Variants in MCTP1 observed in about 807,000 individuals in gnomAD.
MCTP1 encodes multiple C2 and transmembrane domain-containing protein 1.
A neutral mutation model predicts 120.6 loss-of-function variants in MCTP1; 69 were observed. That is an observed-to-expected ratio of 0.57 (90% confidence interval 0.47 to 0.70). MCTP1 has a LOEUF of 0.70. MCTP1 is among the 30% of genes least tolerant of loss of function. The probability of loss-of-function intolerance (pLI) is 0.00; values close to 1 mark genes in which losing one functional copy is unlikely to be tolerated. For missense variants in MCTP1, 1,203 were observed against 1,248.8 expected, an observed-to-expected ratio of 0.96 and a Z score of 0.55; for synonymous variants, 529 against 493.1, an observed-to-expected ratio of 1.07 and a Z score of -0.96.
At chr5:94,978,825 T>C (rs1292444482) in intron 2 of MCTP1, among the ~76,000 whole-genome samples, 1 of 152,106 alleles carries the variant, frequency 6.6e-6, no homozygotes, top group Non-Finnish European at 1.5e-5. Context: ...CCTAAAAATG[T>C]GTTAAGAGTG....
At chr5:95,082,393 T>A (rs945276798) in intron 1 of MCTP1, among the ~76,000 whole-genome samples, 4 of 152,198 alleles carry the variant, frequency 2.6e-5, no homozygotes, top group Admixed American at 6.5e-5. Context: ...TTATTATATT[T>A]AGATACCTCA....
chr5:94,721,839 G>GTTT (rs1422197720), intron 19 of MCTP1, among the ~76,000 whole-genome samples: 1 of 45,160 alleles, frequency 2.2e-5, no homozygotes, highest in African/African-American at 7.8e-5. Context: ...TAGTGACACT[G>GTTT]TTTTGTTTTT....
At chr5:94,878,399 GAATAAT>G (rs949832534) in intron 12 of MCTP1, among the ~76,000 whole-genome samples, 5 of 151,964 alleles carry the variant, frequency 3.3e-5, no homozygotes, top group African/African-American at 9.7e-5. Flanking sequence ...TTCTGGGACT[GAATAAT>G]AATAATAAGA....
intron 1 of MCTP1, among the ~76,000 whole-genome samples, chr5:95,069,855 C>T (rs757795919): frequency 2.6e-5 from 4 of 152,042 alleles, no homozygotes; most frequent in Admixed American, 1.3e-4. Context: ...CCCACTACCA[C>T]GCCCGGCTAT....
Position 94,953,370 on chromosome 5 carries a change from T to C in MCTP1, c.839-9A>G, listed in dbSNP as rs1554150503. ...ATATGGATCACTCGTCCCTGTTAAA[T>C]AGATAGATTGATCCATGTTAATCAT... On this transcript the variant is annotated splice_polypyrimidine_tract_variant and intron_variant, in intron 2 of 22. Coordinates refer to ENST00000515393, the MANE Select transcript of MCTP1 (RefSeq NM_024717.7). The C allele has an allele frequency of 6.3e-7, 1 of 1,584,522 alleles. No homozygotes were observed. The highest frequency in any genetic ancestry group is 1.2e-5 in the South Asian group (1 of 85,870).
chr5:94,708,455 A>G, intron 22 of MCTP1, 57 bp downstream of exon 22: 1 of 1,070,170 alleles, frequency 9.3e-7, no homozygotes, highest in Non-Finnish European at 1.4e-6. Flanking sequence ...TAAAAGCTAA[A>G]ACCCCATGCC....
chr5:95,053,800 G>T (rs1320068902), intron 1 of MCTP1, among the ~76,000 whole-genome samples: 1 of 152,140 alleles, frequency 6.6e-6, no homozygotes, highest in Non-Finnish European at 1.5e-5. Flanking sequence ...AGACAGTCAA[G>T]AATTCACAAA....
chr5:94,921,286 A>T (rs923821987), intron 7 of MCTP1, among the ~76,000 whole-genome samples: 5 of 152,204 alleles, frequency 3.3e-5, no homozygotes, highest in Non-Finnish European at 7.3e-5. Flanking sequence ...TGAATAACAA[A>T]TGTTATGTTT....
At chr5:94,803,519 T>C (rs1328735019) in intron 17 of MCTP1, among the ~76,000 whole-genome samples, 2 of 152,184 alleles carry the variant, frequency 1.3e-5, no homozygotes, top group Non-Finnish European at 2.9e-5. Context: ...AAAGTGAAAA[T>C]GATACTATTT....
At chr5:95,221,740 T>C (rs1167930543) in intron 1 of MCTP1, among the ~76,000 whole-genome samples, 1 of 152,228 alleles carries the variant, frequency 6.6e-6, no homozygotes, top group East Asian at 1.9e-4. Flanking sequence ...CAATAGTTGC[T>C]GAATGTAAGG....
In MCTP1 at chr5:95,019,243, A is replaced by G. The variant is rs146192652; in HGVS notation, c.721-1759T>C. Among the ~76,000 whole-genome samples the G allele has an allele frequency of 6.3e-3, 962 of 152,246 alleles. 8 individuals carry two copies. Among genetic ancestry groups the G allele is most frequent in the Non-Finnish European group, 9.3e-3 (630 of 67,984 alleles). ...GATTACCACAATCAAGTTAGTTAAC[A>G]CATCTTTCACCTCACTTGTTTACCC... is the stretch of plus-strand genomic sequence containing the variant. On this transcript the variant is annotated intron_variant, in intron 1 of 22. Transcript: ENST00000515393.
At chr5:94,926,640 ATAAC>A (rs562247107) in intron 6 of MCTP1, among the ~76,000 whole-genome samples, 193 of 152,302 alleles carry the variant, frequency 1.3e-3, no homozygotes, top group African/African-American at 4.3e-3. Flanking sequence ...ACTCAATTTA[ATAAC>A]TAACTGTCTG....
intron 2 of MCTP1, among the ~76,000 whole-genome samples, chr5:95,014,260 A>AAACAACAAC (rs35342905): frequency 6.6e-6 from 1 of 151,138 alleles, no homozygotes; most frequent in Non-Finnish European, 1.5e-5. Context: ...CATGTCTCTA[A>AAACAACAAC]AACAACAACA....
chr5:95,266,533 C>T (rs1227771254), intron 1 of MCTP1, among the ~76,000 whole-genome samples: 1 of 152,164 alleles, frequency 6.6e-6, no homozygotes, highest in Non-Finnish European at 1.5e-5. Context: ...GGTCATGACT[C>T]CAGTAAAATA....
intron 1 of MCTP1, among the ~76,000 whole-genome samples, chr5:95,072,081 CTGTG>C (rs56135843): frequency 1.1e-4 from 16 of 143,880 alleles, no homozygotes; most frequent in South Asian, 2.3e-4. Flanking sequence ...GCCAATTTTC[CTGTG>C]TGTGTGTGTG....
intron 1 of MCTP1, among the ~76,000 whole-genome samples, chr5:95,273,834 C>A (rs1399996482): frequency 6.6e-6 from 1 of 152,138 alleles, no homozygotes; most frequent in Non-Finnish European, 1.5e-5. Context: ...TAGGAAAAAT[C>A]AAAAACATAA....
Position 94,940,149 on chromosome 5 carries a change from G to T in MCTP1, c.1108C>A (p.His370Asn). Residue 370 changes from histidine (H) to asparagine (N), a missense_variant, in exon 5 of 23, where the codon CAT (histidine) becomes AAT (asparagine). Transcript: ENST00000515393. ...LTLKDPHYPD[H>N]DLGIILLSVI... ...GAGAGCAAAATGATTCCAAGATCATGGTCAGGATAATGAGGATCTTTCAGA... is the reference window on the plus strand; with the variant it reads ...GAGAGCAAAATGATTCCAAGATCATTGTCAGGATAATGAGGATCTTTCAGA... The T allele has an allele frequency of 6.2e-7, 1 of 1,609,776 alleles. No homozygotes were observed. The highest frequency in any genetic ancestry group is 8.5e-7 in the Non-Finnish European group (1 of 1,177,124).
At chr5:95,133,632 G>A (rs1002558893) in intron 1 of MCTP1, among the ~76,000 whole-genome samples, 17 of 152,208 alleles carry the variant, frequency 1.1e-4, no homozygotes, top group African/African-American at 4.1e-4. Context: ...TCCAGCCTGG[G>A]TAACAGAGCA....
chr5:95,218,006 C>A lies in MCTP1; in HGVS notation c.720+65850G>T, dbSNP rs572697364. Among the ~76,000 whole-genome samples the A allele has an allele frequency of 9.9e-5, 15 of 152,260 alleles. No homozygotes were observed. In the South Asian group the frequency reaches 1.0e-3, roughly 11 times the overall value. On this transcript the variant is annotated intron_variant, in intron 1 of 22. Transcript: ENST00000515393. ...AGACATGAGAGATATGACGTATTGT[C>A]CAAATTTGCTAGAGGCTTGGAGATC...
Sources: allele counts gnomAD v4.1 joint callset (sites outside exome capture counted in the v4.1 genomes callset), GRCh38; gene constraint gnomAD v4.1.1; transcripts MANE v1.5; gene names NCBI Gene and HGNC (gene_info 2026-07-23, HGNC 2026-07-21).